The following CASTOR2 variants were observed in gnomAD, a reference collection of about 807,000 sequenced individuals.
CASTOR2 encodes cytosolic arginine sensor for mTORC1 subunit 2, also known as GATS protein like 2.
Under a neutral mutation model 31.2 loss-of-function variants are expected in CASTOR2, and 8 were observed. The observed-to-expected ratio is 0.26, with a 90% CI of 0.15 to 0.46. CASTOR2 has a LOEUF of 0.46. CASTOR2 is among the 20% of genes least tolerant of loss of function. CASTOR2 has a pLI of 0.99. For synonymous variants in CASTOR2, 162 were observed against 158.7 expected, an observed-to-expected ratio of 1.02 and a Z score of -0.16; for missense variants, 216 against 382.1, an observed-to-expected ratio of 0.57 and a Z score of 3.62.
intron 1 of CASTOR2, among the ~76,000 whole-genome samples, chr7:74,993,464 T>C (rs1187525182): frequency 2.0e-5 from 3 of 147,556 alleles, no homozygotes; most frequent in Admixed American, 6.8e-5. Flanking sequence ...TTTTTTTTTT[T>C]TTTTGAGAGC....
intron 1 of CASTOR2, among the ~76,000 whole-genome samples, chr7:74,982,457 A>C (rs1380562690): frequency 6.6e-6 from 1 of 151,242 alleles, no homozygotes; most frequent in Non-Finnish European, 1.5e-5. Flanking sequence ...TCCTTTGCAC[A>C]CACCCAGGCT....
intron 1 of CASTOR2, among the ~76,000 whole-genome samples, chr7:75,000,198 C>T (rs1229863211): frequency 6.6e-6 from 1 of 152,110 alleles, no homozygotes; most frequent in Non-Finnish European, 1.5e-5. Flanking sequence ...TGCACTCCAG[C>T]CTGGGTGACA....
rs1334208977 is a variant in CASTOR2, at chr7:75,026,484, C to G, written c.*1785C>G. On this transcript the variant is annotated 3_prime_UTR_variant, in exon 9 of 9. Transcript: ENST00000616305. ...GGATTACAGGCGTGAGCCACCACAC[C>G]CAGCCGAGTTGTGCTGTTTCTGTGG... 3.3e-5 allele frequency among the ~76,000 whole-genome samples: 5 copies of G among 152,106 alleles called. No homozygotes were observed. The highest frequency in any genetic ancestry group is 5.9e-5 in the Non-Finnish European group (4 of 68,026).
intron 1 of CASTOR2, among the ~76,000 whole-genome samples, chr7:74,974,425 C>G (rs1372519716): frequency 6.6e-6 from 1 of 150,766 alleles, no homozygotes; most frequent in African/African-American, 2.5e-5. Flanking sequence ...GTGAGAGGAC[C>G]AGAGGCCCAC....
At chr7:75,003,306 T>C (rs1804537930) in intron 1 of CASTOR2, among the ~76,000 whole-genome samples, 2 of 151,932 alleles carry the variant, frequency 1.3e-5, no homozygotes, top group Admixed American at 6.6e-5. Context: ...ATTAGCCGGC[T>C]GGGCTTGGGT....
At chr7:75,010,647 G>A (rs1391159860) in intron 2 of CASTOR2, among the ~76,000 whole-genome samples, 2 of 152,056 alleles carry the variant, frequency 1.3e-5, no homozygotes, top group Non-Finnish European at 2.9e-5. Context: ...AGCCGCAGGT[G>A]CAGCACTGAG....
At chr7:74,984,358 G>A (rs1269215289) in intron 1 of CASTOR2, among the ~76,000 whole-genome samples, 1 of 151,382 alleles carries the variant, frequency 6.6e-6, no homozygotes, top group Non-Finnish European at 1.5e-5. Context: ...TACCATCGTC[G>A]GGCTGGAAAT....
In CASTOR2 at chr7:75,028,099, GCT is replaced by G. The variant is rs1166176145; in HGVS notation, c.*3405_*3406del. The G allele has an allele frequency of 1.3e-6, 2 of 1,511,818 alleles. No individual in the cohort carries two copies. Among genetic ancestry groups the G allele is most frequent in the Admixed American group, 2.2e-5 (1 of 45,116 alleles). 93.7% of individuals were successfully genotyped at this position (1,511,818 alleles called of 1,614,324 possible). ...AGGTGCCTGGCGGGGGAGGAAGAGG[GCT>G]CTCTATGATGTGGAATTTTTTTTTT... On this transcript the variant is annotated 3_prime_UTR_variant, in exon 9 of 9. Coordinates refer to ENST00000616305, the MANE Select transcript of CASTOR2 (RefSeq NM_001145064.3).
chr7:75,008,204 G>A, intron 2 of CASTOR2, 140 bp downstream of exon 2: 1 of 1,143,798 alleles, frequency 8.7e-7, no homozygotes, highest in Non-Finnish European at 1.3e-6. Flanking sequence ...TCATCTGCTG[G>A]TCAGCTGGAA....
At position 75,018,061 on chromosome 7, in the gene CASTOR2, T is replaced by C; in HGVS notation, c.450T>C (p.Asn150=). The part of the protein sequence containing the change: ...SSEFTILRVV[N]GETVAAENLG... The stretch of plus-strand genomic sequence containing the variant: ...AGTTCACCATCCTGCGGGTCGTCAA[T>C]GGCGAGACCGTGGCAGCCGAGAACC... The change falls in exon 4 of 9, where the codon AAT becomes AAC. Residue 150 remains asparagine (N), a synonymous_variant. Transcript: ENST00000616305. The C allele has an allele frequency of 6.2e-7, 1 of 1,614,196 alleles. No individual in the cohort carries two copies. The highest frequency in any genetic ancestry group is 1.7e-5 in the Admixed American group (1 of 60,024).
rs1035091711 is a variant in CASTOR2 at position 75,029,579 on chromosome 7, G to A, written c.*4880G>A. ...GGCTGTTCTTGAACTCCTGACCTCA[G>A]GTGATCCGCCCACCTTGGCCTCCCA... On this transcript the variant is annotated 3_prime_UTR_variant, in exon 9 of 9. Transcript: ENST00000616305. 6.6e-6 allele frequency among the ~76,000 whole-genome samples: 1 copy of A among 151,906 alleles called. No individual in the cohort carries two copies. Among genetic ancestry groups the A allele is most frequent in the Admixed American group, 6.6e-5 (1 of 15,232 alleles).
rs1315171174 is a variant in CASTOR2 at position 75,003,296 on chromosome 7, A to G, written c.114-4698A>G. ...ACCCTGTCTCTACAAAAAATAAAAA[A>G]TTAGCCGGCTGGGCTTGGGTAATGC... On this transcript the variant is annotated intron_variant, in intron 1 of 8. Coordinates refer to ENST00000616305, the MANE Select transcript of CASTOR2 (RefSeq NM_001145064.3). Among the ~76,000 whole-genome samples, 21 of 152,246 alleles carry G rather than the reference A, an allele frequency of 1.4e-4. 1 individual carries two copies. The South Asian group carries it at 4.4e-3, about 32-fold the overall frequency.
At chr7:74,997,876 A>G (rs1804389548) in intron 1 of CASTOR2, among the ~76,000 whole-genome samples, 1 of 151,924 alleles carries the variant, frequency 6.6e-6, no homozygotes, top group Admixed American at 6.6e-5. Flanking sequence ...AACACTGTGG[A>G]TGGTTCATGT....
Position 75,008,167 on chromosome 7 carries a change from C to T in CASTOR2, c.184+103C>T, listed in dbSNP as rs1237905977. ...TCCCCCGCCCACCTCCTTATTTCTG[C>T]CCCCACCTACCTCCTTACTTCTGCC... On this transcript the variant is annotated intron_variant, in intron 2 of 8. Coordinates refer to ENST00000616305, the MANE Select transcript of CASTOR2 (RefSeq NM_001145064.3). 171 of 1,372,154 alleles carry T rather than the reference C, an allele frequency of 1.2e-4. No homozygotes were observed. In the East Asian group the frequency reaches 2.8e-3, roughly 22 times the overall value. The allele number at this position is 1,372,154 out of a possible 1,614,324, so 85.0% of individuals were successfully genotyped here.
intron 1 of CASTOR2, among the ~76,000 whole-genome samples, chr7:75,000,640 C>T (rs1424407549): frequency 5.9e-5 from 9 of 152,040 alleles, no homozygotes; most frequent in Non-Finnish European, 1.2e-4. Context: ...CAAAACCCCG[C>T]TGGCCAGGCT....
intron 6 of CASTOR2, 61 bp downstream of exon 6, chr7:75,020,210 A>T: frequency 7.1e-7 from 1 of 1,400,378 alleles, no homozygotes; most frequent in African/African-American, 1.4e-5. Context: ...TGGGGGGACT[A>T]TGTGATGGCA....
At chr7:75,010,643 A>G (rs1804721677) in intron 2 of CASTOR2, among the ~76,000 whole-genome samples, 1 of 151,928 alleles carries the variant, frequency 6.6e-6, no homozygotes, top group East Asian at 1.9e-4. Context: ...TCCCAGCCGC[A>G]GGTGCAGCAC....
intron 7 of CASTOR2, 96 bp downstream of exon 7, chr7:75,022,052 G>C (rs1805018439): frequency 7.1e-7 from 1 of 1,403,740 alleles, no homozygotes; most frequent in South Asian, 1.2e-5. Context: ...CCTGCTGGGG[G>C]GTACAGATGG....
At chr7:75,009,426 C>A (rs1201939743) in intron 2 of CASTOR2, among the ~76,000 whole-genome samples, 1 of 151,300 alleles carries the variant, frequency 6.6e-6, no homozygotes, top group Non-Finnish European at 1.5e-5. Flanking sequence ...CGCCACCACG[C>A]CCGGCTAATT....
Sources: gnomAD v4.1 joint callset for allele counts (sites outside exome capture counted in the v4.1 genomes callset) on GRCh38, gnomAD v4.1.1 for gene constraint, MANE v1.5 for transcripts, NCBI Gene and HGNC (gene_info 2026-07-23, HGNC 2026-07-21) for gene names.